The following EHBP1 variants were observed in gnomAD, a reference collection of about 807,000 sequenced individuals.
EHBP1 encodes EH domain binding protein 1, also known as EH domain-binding protein 1.
In EHBP1, 55 loss-of-function variants were observed where a neutral mutation model predicts 144.0. The observed-to-expected ratio is 0.38, with a 90% CI of 0.31 to 0.48. The LOEUF is 0.48. EHBP1 is among the 20% of genes least tolerant of loss of function. The pLI is 0.98. For synonymous variants in EHBP1, 469 were observed against 472.7 expected (o/e 0.99, Z 0.10); for missense variants, 1,200 against 1,364.2 (o/e 0.88, Z 1.90).
At chr2:62,961,368 C>G (rs891243383) in intron 14 of EHBP1, among the ~76,000 whole-genome samples, 8 of 152,074 alleles carry the variant, frequency 5.3e-5, no homozygotes, top group Non-Finnish European at 1.0e-4. Context: ...CTCCTTTAAC[C>G]TGTTTCATTT....
intron 2 of EHBP1, among the ~76,000 whole-genome samples, chr2:62,737,556 C>T (rs917074192): frequency 6.6e-6 from 1 of 152,158 alleles, no homozygotes; most frequent in African/African-American, 2.4e-5. Context: ...TGCCCTGCGA[C>T]CTCATTTCTG....
intron 10 of EHBP1, among the ~76,000 whole-genome samples, chr2:62,913,403 AG>A (rs1303982666): frequency 2.6e-5 from 4 of 152,220 alleles, no homozygotes; most frequent in African/African-American, 9.6e-5. Context: ...GGAGTTATTT[AG>A]GAGTTTTAAA....
chr2:62,798,712 T>C (rs950830596), intron 5 of EHBP1, among the ~76,000 whole-genome samples: 2 of 151,866 alleles, frequency 1.3e-5, no homozygotes, highest in Non-Finnish European at 2.9e-5. Flanking sequence ...TAGAAATTCA[T>C]GCTATAGGAA....
chr2:62,993,880 G>A lies in EHBP1; in HGVS notation c.2882G>A (p.Arg961Lys). 6.4e-7 allele frequency: 1 copy of A among 1,556,408 alleles called. No homozygotes were observed. The highest frequency in any genetic ancestry group is 1.2e-5 in the South Asian group (1 of 80,586). ...CTCTTTTTTTTTTAAGAGATGAAAA[G>A]GCAGAGATCAATACAGGAAGATACA... ...QYIENRPEMK[R>K]QRSIQEDTKK... The change falls in exon 18 of 23, where the codon AGG (arginine) becomes AAG (lysine). Residue 961 changes from arginine to lysine, a missense_variant. Transcript: ENST00000431489.
intron 7 of EHBP1, among the ~76,000 whole-genome samples, chr2:62,851,037 G>T (rs897373764): frequency 1.2e-4 from 18 of 152,054 alleles, no homozygotes; most frequent in African/African-American, 2.4e-5. Flanking sequence ...TAGATTTCTT[G>T]CCTATCCTGC....
At chr2:62,953,621 C>T in intron 13 of EHBP1, among the ~76,000 whole-genome samples, 1 of 151,164 alleles carries the variant, frequency 6.6e-6, no homozygotes, top group African/African-American at 2.4e-5. Context: ...TGAGAAAATG[C>T]TCAAAATAGA....
intron 7 of EHBP1, among the ~76,000 whole-genome samples, chr2:62,834,758 G>GT (rs2047082031): frequency 6.6e-6 from 1 of 151,828 alleles, no homozygotes; most frequent in Non-Finnish European, 1.5e-5. Flanking sequence ...TATACAATAT[G>GT]TTTTTTCAGC....
intron 10 of EHBP1, among the ~76,000 whole-genome samples, chr2:62,925,648 G>A (rs1283281447): frequency 6.6e-6 from 1 of 152,004 alleles, no homozygotes; most frequent in African/African-American, 2.4e-5. Context: ...AGCTGAAAAA[G>A]AAATCAAGAC....
chr2:63,016,789 A>G (rs1301109794), intron 19 of EHBP1, among the ~76,000 whole-genome samples: 1 of 152,142 alleles, frequency 6.6e-6, no homozygotes, highest in Admixed American at 6.5e-5. Flanking sequence ...AACATGTCAA[A>G]CAATTGATTC....
chr2:62,910,849 C>G (rs2054159982), intron 10 of EHBP1, among the ~76,000 whole-genome samples: 1 of 152,122 alleles, frequency 6.6e-6, no homozygotes, highest in Non-Finnish European at 1.5e-5. Context: ...TGCATATTAC[C>G]TTCCACTTAA....
chr2:62,737,064 G>A (rs1207227787), intron 2 of EHBP1, among the ~76,000 whole-genome samples: 2 of 152,128 alleles, frequency 1.3e-5, no homozygotes, highest in Non-Finnish European at 2.9e-5. Context: ...CTGTAGAAGT[G>A]CTTTGTTTAG....
At chr2:62,984,409 A>C (rs1233241106) in intron 15 of EHBP1, among the ~76,000 whole-genome samples, 2 of 152,226 alleles carry the variant, frequency 1.3e-5, no homozygotes, top group Non-Finnish European at 2.9e-5. Context: ...TTTCCTGCAC[A>C]CACAGTACAT....
chr2:62,746,223 G>A (rs1326058812), intron 2 of EHBP1, among the ~76,000 whole-genome samples: 1 of 151,970 alleles, frequency 6.6e-6, no homozygotes, highest in Non-Finnish European at 1.5e-5. Context: ...CTTACTCACT[G>A]GAATTGTCCT....
At chr2:63,029,845 C>T (rs1455151978) in intron 19 of EHBP1, among the ~76,000 whole-genome samples, 1 of 152,226 alleles carries the variant, frequency 6.6e-6, no homozygotes, top group African/African-American at 2.4e-5. Context: ...TCTTCTGCCT[C>T]AGCCTCCCGA....
In EHBP1 at chr2:62,987,425, CATA is replaced by C. The variant is rs2059244014; in HGVS notation, c.2609-3288_2609-3286del. On this transcript the variant is annotated intron_variant, in intron 15 of 22. Coordinates refer to ENST00000431489, the MANE Select transcript of EHBP1 (RefSeq NM_001142616.3). Reference sequence around the variant, plus strand: ...ATGCTAGTCTCACTCTTAATCTATCCATAATGTTTTTATGATAATATTTCATTA... The same window carrying C: ...ATGCTAGTCTCACTCTTAATCTATCCATGTTTTTATGATAATATTTCATTA... 2.6e-5 allele frequency among the ~76,000 whole-genome samples: 4 copies of C among 152,140 alleles called. No homozygotes were observed. The South Asian group carries it at 8.3e-4, about 32-fold the overall frequency.
At chr2:62,770,762 G>A (rs2041598968) in intron 4 of EHBP1, among the ~76,000 whole-genome samples, 1 of 152,136 alleles carries the variant, frequency 6.6e-6, no homozygotes, top group African/African-American at 2.4e-5. Context: ...CAACCTAAAT[G>A]CCCATCAGTG....
chr2:62,820,679 G>A (rs1023319497), intron 5 of EHBP1, among the ~76,000 whole-genome samples: 1 of 143,056 alleles, frequency 7.0e-6, no homozygotes, highest in African/African-American at 2.6e-5. Context: ...ACGTCAAAAT[G>A]TCCTTTTTAA....
intron 3 of EHBP1, among the ~76,000 whole-genome samples, chr2:62,751,899 G>A (rs746070360): frequency 1.9e-4 from 29 of 151,604 alleles, no homozygotes; most frequent in South Asian, 6.3e-4. Context: ...TCTTGCTAGC[G>A]GTCTATCAAT....
At chr2:62,816,180 C>T (rs368256853) in intron 5 of EHBP1, among the ~76,000 whole-genome samples, 1 of 152,024 alleles carries the variant, frequency 6.6e-6, no homozygotes, top group Non-Finnish European at 1.5e-5. Context: ...GTCTGTATTA[C>T]ACAGATTGAA....
Sources: gnomAD v4.1 joint callset for allele counts (sites outside exome capture counted in the v4.1 genomes callset) on GRCh38, gnomAD v4.1.1 for gene constraint, MANE v1.5 for transcripts, NCBI Gene and HGNC (gene_info 2026-07-23, HGNC 2026-07-21) for gene names.